The following MINDY4 variants were observed in gnomAD, a reference collection of about 807,000 sequenced individuals.
MINDY4 encodes probable ubiquitin carboxyl-terminal hydrolase MINDY-4.
A neutral mutation model predicts 87.0 loss-of-function variants in MINDY4; 68 were observed. That is an observed-to-expected ratio of 0.78 (90% CI 0.64 to 0.96). MINDY4 has a LOEUF of 0.96. Ranked by LOEUF, MINDY4 falls within the 40% of genes least tolerant of loss-of-function variation. The pLI, the probability that MINDY4 is intolerant of heterozygous loss-of-function variation, is 0.00. For missense variants in MINDY4, 919 were observed against 928.2 expected, an observed-to-expected ratio of 0.99 and a Z score of 0.13; for synonymous variants, 379 against 363.2, an observed-to-expected ratio of 1.04 and a Z score of -0.50.
intron 5 of MINDY4, among the ~76,000 whole-genome samples, chr7:30,795,808 C>T (rs751347040): frequency 3.3e-5 from 5 of 152,194 alleles, no homozygotes; most frequent in Admixed American, 1.3e-4. Context: ...TGGCTCCCTT[C>T]CTTCACCTTT....
intron 5 of MINDY4, among the ~76,000 whole-genome samples, chr7:30,807,300 T>G (rs541168638): frequency 5.9e-5 from 9 of 152,204 alleles, no homozygotes; most frequent in African/African-American, 2.2e-4. Context: ...TATCTAGGAA[T>G]CAACCCCTGG....
intron 17 of MINDY4, among the ~76,000 whole-genome samples, chr7:30,887,912 G>T (rs1433039686): frequency 6.6e-6 from 1 of 152,210 alleles, no homozygotes; most frequent in Non-Finnish European, 1.5e-5. Flanking sequence ...GCTCATCCTA[G>T]AGCTGCTCCT....
At chr7:30,874,907 G>C (rs1053627518) in intron 14 of MINDY4, among the ~76,000 whole-genome samples, 9 of 151,956 alleles carry the variant, frequency 5.9e-5, no homozygotes, top group Admixed American at 3.9e-4. Context: ...CTGGGTGAAG[G>C]GTACACAGGA....
rs543699486 is a variant in MINDY4, at chr7:30,820,747, T to C, written c.1074-7932T>C. On this transcript the variant is annotated intron_variant, in intron 5 of 17. Coordinates refer to ENST00000265299, the MANE Select transcript of MINDY4 (RefSeq NM_032222.3). ...TTTTATTTATTTACTCATTTGTTGA[T>C]TGACATTTGGGTTGTCTCCACCTTT... 4.6e-5 allele frequency among the ~76,000 whole-genome samples: 7 copies of C among 152,366 alleles called. No individual in the cohort carries two copies. The East Asian group carries it at 1.3e-3, about 29-fold the overall frequency.
chr7:30,863,610 C>G (rs1245510422), intron 13 of MINDY4, among the ~76,000 whole-genome samples: 1 of 152,128 alleles, frequency 6.6e-6, no homozygotes, highest in African/African-American at 2.4e-5. Context: ...TGTCTGTTGG[C>G]CATTCCTAAC....
rs1355016543 is a variant in MINDY4 at position 30,791,507 on chromosome 7, T to C, written c.1006T>C (p.Ser336Pro). ...PLKLYLPGGNSRMTQERLERA... is the reference protein window; with the variant it reads ...PLKLYLPGGNPRMTQERLERA... ...GAAGCTCTACTTGCCTGGTGGTAAT[T>C]CCAGGATGACCCAGGAGAGGCTGGA... The change falls in exon 5 of 18, where the codon TCC becomes CCC. Residue 336 changes from serine (S) to proline (P), a missense_variant. By Grantham distance (74) the Ser-to-Pro change is moderately conservative. Transcript: ENST00000265299. The C allele has an allele frequency of 6.2e-7, 1 of 1,613,816 alleles. No individual in the cohort carries two copies. The highest frequency in any genetic ancestry group is 1.3e-5 in the African/African-American group (1 of 74,900).
intron 5 of MINDY4, among the ~76,000 whole-genome samples, chr7:30,819,395 T>C (rs983282238): frequency 7.2e-5 from 11 of 152,236 alleles, no homozygotes; most frequent in African/African-American, 2.2e-4. Flanking sequence ...TTGGAATTTT[T>C]TGAGACATAA....
intron 9 of MINDY4, among the ~76,000 whole-genome samples, chr7:30,849,281 A>G (rs937874363): frequency 6.6e-6 from 1 of 151,930 alleles, no homozygotes; most frequent in Non-Finnish European, 1.5e-5. Context: ...AAGGCAGAGA[A>G]CCCCCTCCTC....
intron 5 of MINDY4, among the ~76,000 whole-genome samples, chr7:30,798,949 G>A (rs1787572380): frequency 6.6e-6 from 1 of 152,042 alleles, no homozygotes; most frequent in Non-Finnish European, 1.5e-5. Flanking sequence ...TCTGGCACTG[G>A]GGTTTTATTG....
chr7:30,812,214 T>A (rs964761235), intron 5 of MINDY4, among the ~76,000 whole-genome samples: 2 of 145,352 alleles, frequency 1.4e-5, no homozygotes, highest in Non-Finnish European at 3.0e-5. Flanking sequence ...TATCATGATG[T>A]CCACAACTGG....
Position 30,872,310 on chromosome 7 carries a change from A to G in MINDY4, c.1809+4A>G, listed in dbSNP as rs747711081. 1 of 1,613,820 alleles carries G rather than the reference A, an allele frequency of 6.2e-7. No individual in the cohort carries two copies. Among genetic ancestry groups the G allele is most frequent in the Non-Finnish European group, 8.5e-7 (1 of 1,179,804 alleles). ...AGCACATGGCTACTGTACACAGGTCAGGGGGCGCTGTGGGGCCCAGGTGGT... is the reference window on the plus strand; with the variant it reads ...AGCACATGGCTACTGTACACAGGTCGGGGGGCGCTGTGGGGCCCAGGTGGT... On this transcript the variant is annotated splice_donor_region_variant and intron_variant, in intron 14 of 17. Coordinates refer to ENST00000265299, the MANE Select transcript of MINDY4 (RefSeq NM_032222.3).
intron 13 of MINDY4, among the ~76,000 whole-genome samples, chr7:30,870,670 C>G (rs1378153385): frequency 6.6e-6 from 1 of 152,250 alleles, no homozygotes; most frequent in Non-Finnish European, 1.5e-5. Context: ...GTTTTGGAAG[C>G]AGACAGAGAC....
chr7:30,892,189 C>T lies in MINDY4; in HGVS notation c.*184C>T, dbSNP rs1034806060. On this transcript the variant is annotated 3_prime_UTR_variant, in exon 18 of 18. Coordinates refer to ENST00000265299, the MANE Select transcript of MINDY4 (RefSeq NM_032222.3). ...CCCACCCAAGACTGTGCTGGGGACC[C>T]AGTGTGTTGCTGGGTCCCCTCCCAG... is the stretch of plus-strand genomic sequence containing the variant. The T allele has an allele frequency of 6.8e-5, 42 of 615,856 alleles. No individual in the cohort carries two copies. The highest frequency in any genetic ancestry group is 1.1e-4 in the Non-Finnish European group (38 of 350,512). The allele number at this position is 615,856 out of a possible 1,614,324, so 38.1% of individuals were successfully genotyped here.
chr7:30,839,676 G>A (rs146880240), intron 8 of MINDY4, among the ~76,000 whole-genome samples: 25 of 152,146 alleles, frequency 1.6e-4, no homozygotes, highest in African/African-American at 5.8e-4. Flanking sequence ...GAGATTCACA[G>A]GATTTTGCAG....
chr7:30,785,119 C>T (rs1269036522), intron 3 of MINDY4, among the ~76,000 whole-genome samples: 1 of 151,360 alleles, frequency 6.6e-6, no homozygotes, highest in Non-Finnish European at 1.5e-5. Flanking sequence ...AATGGTGTGC[C>T]CAACACAGTC....
At chr7:30,882,116 C>G in intron 15 of MINDY4, 65 bp from the exon 16 acceptor site, 2 of 1,487,418 alleles carry the variant, frequency 1.3e-6, no homozygotes, top group South Asian at 2.6e-5. Flanking sequence ...TTGAGTCAGA[C>G]AGAAAAATGC....
chr7:30,878,118 C>A (rs1790334570), intron 15 of MINDY4, among the ~76,000 whole-genome samples: 1 of 151,996 alleles, frequency 6.6e-6, no homozygotes. Context: ...AGAGCCAGGG[C>A]CCTTGCTCTG....
At chr7:30,801,183 T>C (rs1194744314) in intron 5 of MINDY4, among the ~76,000 whole-genome samples, 1 of 152,200 alleles carries the variant, frequency 6.6e-6, no homozygotes, top group Non-Finnish European at 1.5e-5. Flanking sequence ...GCATTTGCGG[T>C]TCATTGACTG....
At chr7:30,859,031 G>C (rs748182789) in intron 12 of MINDY4, 12 of 709,944 alleles carry the variant, frequency 1.7e-5, no homozygotes, top group Non-Finnish European at 2.9e-5. Context: ...TGCTCTCTTT[G>C]GTGGCCCCTG....
Sources: allele counts gnomAD v4.1 joint callset (sites outside exome capture counted in the v4.1 genomes callset), GRCh38; gene constraint gnomAD v4.1.1; transcripts MANE v1.5; gene names NCBI Gene and HGNC (gene_info 2026-07-23, HGNC 2026-07-21).